Variants in MYLK4 observed in about 807,000 individuals in gnomAD.
The protein encoded by MYLK4 is caMLCK like.
Under a neutral mutation model 48.1 loss-of-function variants are expected in MYLK4, and 46 were observed. The ratio of observed to expected loss-of-function variants is 0.96; its 90% confidence interval spans 0.75 to 1.22. The LOEUF (loss-of-function observed/expected upper bound fraction) is 1.22. Among genes scored for constraint, MYLK4 ranks in the 50% most tolerant of loss-of-function variants. The probability of loss-of-function intolerance (pLI) is 0.00; values close to 1 mark genes in which losing one functional copy is unlikely to be tolerated. For synonymous variants in MYLK4, 170 were observed against 180.8 expected (o/e 0.94, Z 0.48); for missense variants, 451 against 486.1 (o/e 0.93, Z 0.68).
rs556793073 is a variant in MYLK4, at chr6:2,708,363, T to C, written c.160-15504A>G. Among the ~76,000 whole-genome samples the C allele has an allele frequency of 5.9e-5, 9 of 152,328 alleles. 1 individual carries two copies. The highest frequency in any genetic ancestry group is 2.2e-4 in the African/African-American group (9 of 41,570). On this transcript the variant is annotated intron_variant, in intron 2 of 12. Transcript: ENST00000274643. The stretch of plus-strand genomic sequence containing the variant: ...GGTTTGGGAATGATTTTTCAGAGAA[T>C]ACCAAAGTGCTGATCTTTGTTCATC...
intron 2 of MYLK4, among the ~76,000 whole-genome samples, chr6:2,712,971 C>A (rs1762727300): frequency 6.6e-6 from 1 of 152,204 alleles, no homozygotes; most frequent in Non-Finnish European, 1.5e-5. Flanking sequence ...CATTTAACAT[C>A]TCAAAGACTA....
At chr6:2,703,133 G>C (rs1172636019) in intron 2 of MYLK4, among the ~76,000 whole-genome samples, 8 of 152,044 alleles carry the variant, frequency 5.3e-5, no homozygotes, top group African/African-American at 1.7e-4. Context: ...GTAACTATAG[G>C]GTCAATATCT....
At chr6:2,699,792 C>T (rs191921574) in intron 2 of MYLK4, among the ~76,000 whole-genome samples, 2 of 152,264 alleles carry the variant, frequency 1.3e-5, no homozygotes, top group South Asian at 2.1e-4. Flanking sequence ...AAAAGATCAG[C>T]GCTTGAGCCT....
chr6:2,695,320 A>T (rs1194451365), intron 2 of MYLK4, among the ~76,000 whole-genome samples: 1 of 152,250 alleles, frequency 6.6e-6, no homozygotes, highest in African/African-American at 2.4e-5. Flanking sequence ...ACTGGTATGT[A>T]TCAGTCAATT....
chr6:2,689,454 T>G (rs35893759), intron 3 of MYLK4, among the ~76,000 whole-genome samples: 8,498 of 152,364 alleles, frequency 0.056, 277 homozygotes, highest in Middle Eastern at 0.099. Context: ...TAGACTTTAT[T>G]TAAGACACAT....
At chr6:2,755,472 T>C (rs1194623894), upstream of MYLK4, among the ~76,000 whole-genome samples, 1 of 152,186 alleles carries the variant, frequency 6.6e-6, no homozygotes, top group Non-Finnish European at 1.5e-5. Flanking sequence ...AAAAATTACA[T>C]AGCGCATTTA....
rs1760617453 is a variant in MYLK4, at chr6:2,665,605, T to C, written c.*2320A>G. 1 of 152,236 alleles carries C rather than the reference T, an allele frequency of 6.6e-6. No homozygotes were observed. The highest frequency in any genetic ancestry group is 1.5e-5 in the Non-Finnish European group (1 of 68,052). The allele number at this position is 152,236 out of a possible 1,614,324, so 9.4% of individuals were successfully genotyped here. A position where few individuals can be genotyped will look rare whatever the true frequency, so the allele number is the denominator to read the frequency against. ...TATTTGGCCTGAGCTGTCTCTTCCATGTGTGGCAGGGTCTGGGGACAGTTT... is the reference window on the plus strand; with the variant it reads ...TATTTGGCCTGAGCTGTCTCTTCCACGTGTGGCAGGGTCTGGGGACAGTTT... On this transcript the variant is annotated 3_prime_UTR_variant, in exon 13 of 13. Coordinates refer to ENST00000274643, the MANE Select transcript of MYLK4 (RefSeq NM_001012418.5).
At chr6:2,708,460 T>C (rs1324440421) in intron 2 of MYLK4, among the ~76,000 whole-genome samples, 1 of 152,096 alleles carries the variant, frequency 6.6e-6, no homozygotes, top group African/African-American at 2.4e-5. Flanking sequence ...GAAAAAAAAA[T>C]CGTGGCTCAC....
the MYLK4 span, among the ~76,000 whole-genome samples, chr6:2,762,270 TAAC>T: frequency 6.6e-6 from 1 of 152,228 alleles, no homozygotes; most frequent in Admixed American, 6.5e-5. Context: ...AAAACCCTAT[TAAC>T]AATAAAGTTG....
chr6:2,751,226 A>G (rs1350256125), upstream of MYLK4, among the ~76,000 whole-genome samples: 1 of 152,208 alleles, frequency 6.6e-6, no homozygotes, highest in Non-Finnish European at 1.5e-5. Flanking sequence ...TTAAGTGCTC[A>G]TTAAATTTCC....
intron 2 of MYLK4, among the ~76,000 whole-genome samples, chr6:2,696,491 C>T (rs1762065788): frequency 6.6e-6 from 1 of 152,188 alleles, no homozygotes; most frequent in Non-Finnish European, 1.5e-5. Flanking sequence ...TGAAAGTTTG[C>T]TCACTCTTTA....
chr6:2,757,965 C>T, the MYLK4 span, among the ~76,000 whole-genome samples: 1 of 152,206 alleles, frequency 6.6e-6, no homozygotes, highest in Admixed American at 6.5e-5. Flanking sequence ...GACTCAAGAG[C>T]TGCTCAGTCT....
intron 6 of MYLK4, among the ~76,000 whole-genome samples, chr6:2,684,554 T>C (rs1761452081): frequency 6.6e-6 from 1 of 152,164 alleles, no homozygotes; most frequent in Admixed American, 6.5e-5. Context: ...TATTCGTGGG[T>C]TCTGTTTCCA....
intron 2 of MYLK4, among the ~76,000 whole-genome samples, chr6:2,748,091 C>T (rs1764161440): frequency 6.6e-6 from 1 of 152,158 alleles, no homozygotes; most frequent in African/African-American, 2.4e-5. Context: ...CCCTTCCTAC[C>T]TGAATAGTGT....
At chr6:2,729,857 G>A (rs538710067) in intron 2 of MYLK4, among the ~76,000 whole-genome samples, 2 of 152,172 alleles carry the variant, frequency 1.3e-5, no homozygotes, top group Non-Finnish European at 2.9e-5. Flanking sequence ...AAGAAGGGTG[G>A]CTGGAGCAAT....
intron 2 of MYLK4, among the ~76,000 whole-genome samples, chr6:2,731,005 A>G (rs888655442): frequency 6.6e-6 from 1 of 152,188 alleles, no homozygotes; most frequent in Non-Finnish European, 1.5e-5. Context: ...ATAAACCACG[A>G]AAGACCTTTT....
At chr6:2,730,531 A>C (rs943698886) in intron 2 of MYLK4, among the ~76,000 whole-genome samples, 1 of 152,178 alleles carries the variant, frequency 6.6e-6, no homozygotes, top group Non-Finnish European at 1.5e-5. Flanking sequence ...TCTCTTACTC[A>C]GCACTTTTAA....
At chr6:2,737,977 C>CAG (rs1187004247) in intron 2 of MYLK4, among the ~76,000 whole-genome samples, 1 of 2,536 alleles carries the variant, frequency 3.9e-4, no homozygotes, top group African/African-American at 1.5e-3. Context: ...GTGCCGGGGG[C>CAG]GGGTGGGGGG....
At chr6:2,720,357 TC>T (rs1763025802) in intron 2 of MYLK4, among the ~76,000 whole-genome samples, 2 of 151,670 alleles carry the variant, frequency 1.3e-5, no homozygotes, top group Non-Finnish European at 2.9e-5. Context: ...TGAGCCGAGA[TC>T]GCGCCACTAC....
Sources: gnomAD v4.1 joint callset for allele counts (sites outside exome capture counted in the v4.1 genomes callset) on GRCh38, gnomAD v4.1.1 for gene constraint, MANE v1.5 for transcripts, NCBI Gene and HGNC (gene_info 2026-07-23, HGNC 2026-07-21) for gene names.